VCAN: variants seen among roughly 807,000 people sequenced by gnomAD.
VCAN encodes versican, also known as versican core protein.
A neutral mutation model predicts 245.5 loss-of-function variants in VCAN; 44 were observed. That is an observed-to-expected ratio of 0.18 (90% CI 0.14 to 0.23). VCAN has a LOEUF of 0.23. Among genes scored for constraint, VCAN ranks in the 10% least tolerant of loss-of-function variants. VCAN has a pLI of 1.00. For synonymous variants in VCAN, 1,413 were observed against 1,437.0 expected, an observed-to-expected ratio of 0.98 and a Z score of 0.38; for missense variants, 3,793 against 4,057.9, an observed-to-expected ratio of 0.93 and a Z score of 1.77.
At chr5:83,503,815 T>C (rs1354545230) in intron 5 of VCAN, among the ~76,000 whole-genome samples, 1 of 152,232 alleles carries the variant, frequency 6.6e-6, no homozygotes, top group Non-Finnish European at 1.5e-5. Context: ...TTGCAAGAAT[T>C]GTCAGTGGGG....
intron 7 of VCAN, among the ~76,000 whole-genome samples, chr5:83,523,965 T>A (rs1746196388): frequency 1.3e-5 from 2 of 152,102 alleles, no homozygotes; most frequent in African/African-American, 4.8e-5. Context: ...TTTCATAATT[T>A]AAAAAAATGC....
chr5:83,528,916 A>G (rs1400301396), intron 7 of VCAN, among the ~76,000 whole-genome samples: 1 of 149,976 alleles, frequency 6.7e-6, no homozygotes, highest in East Asian at 2.0e-4. Flanking sequence ...AATGGCTATT[A>G]TTATATGGAA....
At chr5:83,494,675 G>A (rs1745102141) in intron 5 of VCAN, among the ~76,000 whole-genome samples, 2 of 152,216 alleles carry the variant, frequency 1.3e-5, no homozygotes, top group Admixed American at 6.5e-5. Context: ...ACAGGGAGGT[G>A]GGCACAGTGG....
Position 83,490,462 on chromosome 5 carries a change from G to T in VCAN, c.435G>T (p.Leu145=), listed in dbSNP as rs2112353872. 5.6e-6 allele frequency: 9 copies of T among 1,613,990 alleles called. No individual in the cohort carries two copies. The highest frequency in any genetic ancestry group is 2.2e-5 in the South Asian group (2 of 90,996). Reference sequence around the variant, plus strand: ...AAGACACACAAGACACGGTGTCACTGACTGTGGATGGTAAGGCTTTTATTA... The same window carrying T: ...AAGACACACAAGACACGGTGTCACTTACTGTGGATGGTAAGGCTTTTATTA... The part of the protein sequence containing the change: ...GIEDTQDTVS[L]TVDGVVFHYR... Residue 145 remains leucine, a synonymous_variant, in exon 3 of 15, where the codon CTG becomes CTT. Coordinates refer to ENST00000265077, the MANE Select transcript of VCAN (RefSeq NM_004385.5).
At chr5:83,502,166 G>A (rs1020264067) in intron 5 of VCAN, among the ~76,000 whole-genome samples, 3 of 151,940 alleles carry the variant, frequency 2.0e-5, no homozygotes, top group Admixed American at 1.3e-4. Flanking sequence ...TTGCCTCTTC[G>A]TTCTAATTGT....
At chr5:83,526,961 T>C (rs1188211934) in intron 7 of VCAN, among the ~76,000 whole-genome samples, 1 of 152,218 alleles carries the variant, frequency 6.6e-6, no homozygotes, top group African/African-American at 2.4e-5. Context: ...GAAGGTACAC[T>C]GAGTCTGACA....
In VCAN at chr5:83,538,816, T is replaced by G; in HGVS notation, c.5813T>G (p.Phe1938Cys). 1 of 1,613,896 alleles carries G rather than the reference T, an allele frequency of 6.2e-7. No individual in the cohort carries two copies. Residue 1938 changes from phenylalanine (F) to cysteine (C), a missense_variant, in exon 8 of 15, where the codon TTT (phenylalanine) becomes TGT (cysteine). Physicochemically the swap from Phe to Cys is radical, Grantham distance 205 (BLOSUM62 -2). Coordinates refer to ENST00000265077, the MANE Select transcript of VCAN (RefSeq NM_004385.5). ...FPLEEDFSGDFREYSTVSHPI... is the reference protein window; with the variant it reads ...FPLEEDFSGDCREYSTVSHPI... ...TTGGAGGAAGATTTCAGTGGTGACT[T>G]TAGAGAATACTCAACAGTGTCTCAT...
At position 83,580,614 on chromosome 5, in the gene VCAN, C is replaced by A; in HGVS notation, c.*180C>A. On this transcript the variant is annotated 3_prime_UTR_variant, in exon 15 of 15. Transcript: ENST00000265077. ...ATGAAAGTATTGGCATTCAAAAAGACAGCAGACAAAATGAAAGAAAATGAG... is the reference window on the plus strand; with the variant it reads ...ATGAAAGTATTGGCATTCAAAAAGAAAGCAGACAAAATGAAAGAAAATGAG... 2.3e-6 allele frequency: 2 copies of A among 871,958 alleles called. No individual in the cohort carries two copies. Among genetic ancestry groups the A allele is most frequent in the South Asian group, 1.5e-5 (1 of 64,736 alleles). 54.0% of individuals were successfully genotyped at this position (871,958 alleles called of 1,614,324 possible). A position where few individuals can be genotyped will look rare whatever the true frequency, so the allele number is the denominator to read the frequency against.
chr5:83,549,721 T>A (rs1250644115), intron 10 of VCAN, among the ~76,000 whole-genome samples: 2 of 152,184 alleles, frequency 1.3e-5, no homozygotes, highest in Non-Finnish European at 2.9e-5. Context: ...TTTCAGGTAC[T>A]TTTTATTGTA....
intron 1 of VCAN, 29 bp downstream of exon 1, chr5:83,472,052 AAAAAAC>A: frequency 3.1e-6 from 1 of 321,274 alleles, no homozygotes; most frequent in African/African-American, 2.1e-5. Flanking sequence ...TTCCCCCCTT[AAAAAAC>A]AAAAACAAAA....
intron 2 of VCAN, among the ~76,000 whole-genome samples, chr5:83,484,939 G>T (rs2112345109): frequency 6.6e-6 from 1 of 152,248 alleles, no homozygotes; most frequent in Non-Finnish European, 1.5e-5. Context: ...TAGCAGAAAG[G>T]TCACTATAGT....
At chr5:83,532,860 A>G (rs975224229) in intron 7 of VCAN, among the ~76,000 whole-genome samples, 13 of 152,190 alleles carry the variant, frequency 8.5e-5, no homozygotes, top group African/African-American at 3.1e-4. Context: ...AAATTAAAGA[A>G]TTCCCATTTA....
chr5:83,557,306 T>A (rs1208876299), intron 12 of VCAN, among the ~76,000 whole-genome samples: 1 of 152,182 alleles, frequency 6.6e-6, no homozygotes, highest in Non-Finnish European at 1.5e-5. Flanking sequence ...TGTTACTAGA[T>A]GTTTATTCTG....
intron 7 of VCAN, among the ~76,000 whole-genome samples, chr5:83,525,046 GTTTT>G (rs34155062): frequency 1.5e-5 from 2 of 132,532 alleles, no homozygotes; most frequent in Non-Finnish European, 1.7e-5. Context: ...TATAAATCTT[GTTTT>G]TTTTTTTTTT....
At chr5:83,480,695 A>T (rs1416328427) in intron 1 of VCAN, among the ~76,000 whole-genome samples, 2 of 152,190 alleles carry the variant, frequency 1.3e-5, no homozygotes, top group African/African-American at 4.8e-5. Flanking sequence ...TACAGAGGAG[A>T]TTAGACATGT....
At chr5:83,534,494 A>T (rs1746634295) in intron 7 of VCAN, among the ~76,000 whole-genome samples, 1 of 152,080 alleles carries the variant, frequency 6.6e-6, no homozygotes, top group South Asian at 2.1e-4. Flanking sequence ...TACTTAAATG[A>T]AAGTTTTGGT....
chr5:83,545,700 T>C (rs960576237), intron 9 of VCAN, 50 bp downstream of exon 9: 6 of 1,348,946 alleles, frequency 4.4e-6, no homozygotes, highest in Non-Finnish European at 3.2e-6. Flanking sequence ...AGAAGATATA[T>C]TGGGGGAGAA....
intron 12 of VCAN, among the ~76,000 whole-genome samples, chr5:83,564,700 T>C (rs1748008086): frequency 6.6e-6 from 1 of 150,974 alleles, no homozygotes; most frequent in Admixed American, 6.6e-5. Flanking sequence ...TTTTTCACTG[T>C]GAACTAAATT....
intron 12 of VCAN, among the ~76,000 whole-genome samples, chr5:83,571,670 C>G (rs918106645): frequency 2.6e-5 from 4 of 152,014 alleles, no homozygotes; most frequent in African/African-American, 9.7e-5. Context: ...ATAAGATATA[C>G]TTTTGAAGGT....
Sources: allele counts gnomAD v4.1 joint callset (sites outside exome capture counted in the v4.1 genomes callset), GRCh38; gene constraint gnomAD v4.1.1; transcripts MANE v1.5; gene names NCBI Gene and HGNC (gene_info 2026-07-23, HGNC 2026-07-21).